GRM5: variants seen among roughly 807,000 people sequenced by gnomAD.
The protein encoded by GRM5 is metabotropic glutamate receptor 5.
GRM5 carries 19 observed loss-of-function variants against 83.1 expected under a neutral mutation model. That is an observed-to-expected ratio of 0.23 (90% CI 0.16 to 0.34). The LOEUF (loss-of-function observed/expected upper bound fraction) is 0.34, where lower values mean the gene tolerates loss of function less well. Ranked by LOEUF, GRM5 falls within the 10% of genes least tolerant of loss-of-function variation. The pLI is 1.00. For synonymous variants in GRM5, 675 were observed against 633.6 expected, an observed-to-expected ratio of 1.07 and a Z score of -0.98; for missense variants, 1,160 against 1,588.3, an observed-to-expected ratio of 0.73 and a Z score of 4.58.
chr11:88,518,085 T>TC (rs1221951784), intron 9 of GRM5, among the ~76,000 whole-genome samples: 1 of 151,926 alleles, frequency 6.6e-6, no homozygotes, highest in African/African-American at 2.4e-5. Context: ...ATTCAAGTAT[T>TC]CCTGTTACAT....
At chr11:88,533,034 A>G (rs776241644) in intron 8 of GRM5, among the ~76,000 whole-genome samples, 3 of 152,188 alleles carry the variant, frequency 2.0e-5, no homozygotes, top group Non-Finnish European at 4.4e-5. Context: ...TCCCCAACCC[A>G]GACCAAACCC....
chr11:88,562,385 G>T (rs1942777283), intron 8 of GRM5, among the ~76,000 whole-genome samples: 1 of 152,094 alleles, frequency 6.6e-6, no homozygotes. Context: ...TTACTCATTA[G>T]TCATGAAACA....
At chr11:88,710,983 A>T (rs1941268536) in intron 3 of GRM5, among the ~76,000 whole-genome samples, 1 of 152,114 alleles carries the variant, frequency 6.6e-6, no homozygotes, top group Non-Finnish European at 1.5e-5. Flanking sequence ...AATAGATGGG[A>T]CACTCAGGTT....
At chr11:88,740,716 TTC>T in intron 3 of GRM5, among the ~76,000 whole-genome samples, 1 of 152,178 alleles carries the variant, frequency 6.6e-6, no homozygotes, top group East Asian at 1.9e-4. Flanking sequence ...GGAGTAGTTT[TTC>T]TCTCTCTCAT....
intron 3 of GRM5, among the ~76,000 whole-genome samples, chr11:88,677,722 AAGG>A (rs1360185752): frequency 4.6e-5 from 7 of 152,156 alleles, no homozygotes; most frequent in Non-Finnish European, 7.3e-5. Context: ...TAAATGTTAT[AAGG>A]AGGTGTTAAA....
intron 2 of GRM5, among the ~76,000 whole-genome samples, chr11:88,997,449 TATA>T (rs980667336): frequency 1.4e-5 from 2 of 140,936 alleles, no homozygotes; most frequent in East Asian, 2.1e-4. Context: ...AAATAATAAA[TATA>T]ATAACAAAAA....
At chr11:89,009,756 C>T (rs1240974157) in intron 2 of GRM5, among the ~76,000 whole-genome samples, 2 of 151,022 alleles carry the variant, frequency 1.3e-5, no homozygotes, top group African/African-American at 4.9e-5. Context: ...AAAAAATTAG[C>T]CGGGCGTGGT....
At chr11:89,039,468 A>T (rs999576626) in intron 2 of GRM5, among the ~76,000 whole-genome samples, 7 of 151,982 alleles carry the variant, frequency 4.6e-5, no homozygotes, top group African/African-American at 1.7e-4. Flanking sequence ...GTGCACAAGG[A>T]GTTACAGAGA....
At chr11:88,735,737 T>A (rs1941898475) in intron 3 of GRM5, among the ~76,000 whole-genome samples, 1 of 152,060 alleles carries the variant, frequency 6.6e-6, no homozygotes, top group African/African-American at 2.4e-5. Flanking sequence ...TTCATTTTAA[T>A]CTCAAATCTG....
chr11:88,669,118 A>G (rs1940128037), intron 3 of GRM5, among the ~76,000 whole-genome samples: 1 of 152,190 alleles, frequency 6.6e-6, no homozygotes, highest in Non-Finnish European at 1.5e-5. Context: ...GTTCACAACA[A>G]TCAAGATGTA....
At chr11:88,607,896 T>A (rs1353285871) in intron 4 of GRM5, among the ~76,000 whole-genome samples, 1 of 152,218 alleles carries the variant, frequency 6.6e-6, no homozygotes, top group Admixed American at 6.5e-5. Context: ...ACAGTAACTG[T>A]ATGATGGTCT....
intron 2 of GRM5, among the ~76,000 whole-genome samples, chr11:88,974,880 G>A (rs1450168774): frequency 1.3e-5 from 2 of 152,184 alleles, no homozygotes; most frequent in Non-Finnish European, 2.9e-5. Context: ...ATAATTAGGT[G>A]TAAGAAGTGA....
intron 4 of GRM5, among the ~76,000 whole-genome samples, chr11:88,647,873 C>G (rs1939507773): frequency 6.6e-6 from 1 of 151,992 alleles, no homozygotes. Flanking sequence ...CAAAAGAAGA[C>G]ATTTATGCAG....
At chr11:88,828,858 G>A (rs181056816) in intron 3 of GRM5, among the ~76,000 whole-genome samples, 110 of 151,960 alleles carry the variant, frequency 7.2e-4, no homozygotes, top group Middle Eastern at 3.5e-3. Flanking sequence ...ATATACTAAC[G>A]AAATTACAAA....
At chr11:88,959,714 C>T (rs1938726999) in intron 2 of GRM5, among the ~76,000 whole-genome samples, 1 of 152,102 alleles carries the variant, frequency 6.6e-6, no homozygotes, top group African/African-American at 2.4e-5. Flanking sequence ...CAGATATTGA[C>T]CTTAGTTGAG....
chr11:88,623,483 G>T (rs1938702230), intron 4 of GRM5, among the ~76,000 whole-genome samples: 1 of 152,114 alleles, frequency 6.6e-6, no homozygotes, highest in Admixed American at 6.6e-5. Context: ...AAATCTTCAT[G>T]ATTGGGCTGC....
At chr11:88,737,041 G>A (rs1941928753) in intron 3 of GRM5, among the ~76,000 whole-genome samples, 1 of 152,050 alleles carries the variant, frequency 6.6e-6, no homozygotes, top group South Asian at 2.1e-4. Flanking sequence ...TAGAATCTAG[G>A]ATTAGGAAGA....
At chr11:88,772,790 T>G (rs1014419145) in intron 3 of GRM5, among the ~76,000 whole-genome samples, 1 of 152,214 alleles carries the variant, frequency 6.6e-6, no homozygotes, top group Non-Finnish European at 1.5e-5. Flanking sequence ...CATCCTTTTT[T>G]ATGGCTGCAT....
chr11:88,588,571 C>G (rs1937592373), intron 7 of GRM5, among the ~76,000 whole-genome samples: 1 of 152,118 alleles, frequency 6.6e-6, no homozygotes, highest in African/African-American at 2.4e-5. Context: ...TACAGACATT[C>G]ACATGTGCTG....
Sources: allele counts gnomAD v4.1 joint callset (sites outside exome capture counted in the v4.1 genomes callset), GRCh38; gene constraint gnomAD v4.1.1; transcripts MANE v1.5; gene names NCBI Gene and HGNC (gene_info 2026-07-23, HGNC 2026-07-21).